The following ANKRD11 variants were observed in gnomAD, a reference collection of about 807,000 sequenced individuals.
ANKRD11 encodes ankyrin repeat domain-containing protein 11.
A neutral mutation model predicts 195.7 loss-of-function variants in ANKRD11; 17 were observed. The observed-to-expected ratio is 0.09, with a 90% CI of 0.06 to 0.13. ANKRD11 has a LOEUF of 0.13. Ranked by LOEUF, ANKRD11 falls within the 10% of genes least tolerant of loss-of-function variation. The pLI is 1.00. For missense variants in ANKRD11, 3,735 were observed against 3,566.1 expected (o/e 1.05, Z -1.21); for synonymous variants, 1,953 against 1,528.1 (o/e 1.28, Z -6.49).
intron 2 of ANKRD11, among the ~76,000 whole-genome samples, chr16:89,415,645 C>G (rs945891591): frequency 1.3e-5 from 2 of 150,960 alleles, no homozygotes; most frequent in Non-Finnish European, 3.0e-5. Flanking sequence ...CTGGCCAACA[C>G]AGTGAAACCC....
rs1369251692 is a variant in ANKRD11 at position 89,456,099 on chromosome 16, G to C, written c.-145+34146C>G. Among the ~76,000 whole-genome samples, 3 of 152,164 alleles carry C rather than the reference G, an allele frequency of 2.0e-5. No homozygotes were observed. The South Asian group carries it at 6.2e-4, about 32-fold the overall frequency. On this transcript the variant is annotated intron_variant, in intron 1 of 12. Coordinates refer to ENST00000301030, the MANE Select transcript of ANKRD11 (RefSeq NM_013275.6). The stretch of plus-strand genomic sequence containing the variant: ...ACTGAAAAATACAAAAAGTAGTCTG[G>C]TGTGGTGGCGTGCACCTGTAGTCCC...
intron 2 of ANKRD11, among the ~76,000 whole-genome samples, chr16:89,401,832 G>A (rs137980075): frequency 4.7e-4 from 72 of 151,940 alleles, no homozygotes; most frequent in African/African-American, 1.5e-3. Flanking sequence ...GTGGTGATGC[G>A]TCTACAAGCC....
intron 1 of ANKRD11, among the ~76,000 whole-genome samples, chr16:89,470,142 G>A (rs1278262700): frequency 6.6e-6 from 1 of 151,902 alleles, no homozygotes; most frequent in Non-Finnish European, 1.5e-5. Flanking sequence ...TCCTGAACTT[G>A]TGATCTGCCT....
chr16:89,417,102 T>C (rs2042341596), intron 2 of ANKRD11, among the ~76,000 whole-genome samples: 1 of 152,226 alleles, frequency 6.6e-6, no homozygotes, highest in Non-Finnish European at 1.5e-5. Context: ...TCAGATTCCC[T>C]TTCCTTCAAA....
intron 4 of ANKRD11, among the ~76,000 whole-genome samples, chr16:89,295,782 C>T (rs1261892941): frequency 5.4e-5 from 7 of 128,656 alleles, no homozygotes; most frequent in East Asian, 2.2e-4. Context: ...GGGATCGGAG[C>T]GGGGGCTGTG....
rs1193473081 is a variant in ANKRD11, at chr16:89,281,370, G to A, written c.5172C>T (p.Thr1724=). The A allele has an allele frequency of 6.2e-7, 1 of 1,609,690 alleles. No homozygotes were observed. The highest frequency in any genetic ancestry group is 1.3e-5 in the African/African-American group (1 of 74,780). ...SYEEVMHTPR[T]PSCSADDYAD... is the part of the protein sequence containing the mutation. ...CGTAGTCATCGGCGCTGCAGGACGG[G>A]GTCCTGGGCGTGTGCATCACCTCCT... Residue 1724 remains threonine, a synonymous_variant, in exon 9 of 13, where the codon ACC becomes ACT. Transcript: ENST00000301030. The surrounding 1 kb of genome is among the most constrained non-coding windows in gnomAD (Gnocchi z 5.5).
intron 2 of ANKRD11, among the ~76,000 whole-genome samples, chr16:89,353,327 G>A (rs1567689014): frequency 6.6e-6 from 1 of 151,610 alleles, no homozygotes; most frequent in Non-Finnish European, 1.5e-5. Flanking sequence ...GGGTGACAGA[G>A]TGAGACTCCA....
chr16:89,467,281 CAG>C (rs2056918169), intron 1 of ANKRD11, among the ~76,000 whole-genome samples: 1 of 145,946 alleles, frequency 6.9e-6, no homozygotes, highest in Admixed American at 6.9e-5. Flanking sequence ...AAAAAAAAAA[CAG>C]AAAGATTAGC....
chr16:89,434,833 C>G (rs994299135), intron 1 of ANKRD11, among the ~76,000 whole-genome samples: 2 of 152,210 alleles, frequency 1.3e-5, no homozygotes, highest in African/African-American at 4.8e-5. Context: ...CACTGGCTGT[C>G]TGGGGCAGCC....
intron 2 of ANKRD11, among the ~76,000 whole-genome samples, chr16:89,376,668 A>G (rs183541762): frequency 1.9e-4 from 29 of 152,178 alleles, no homozygotes; most frequent in Admixed American, 1.7e-3. Flanking sequence ...CAAACTTCTG[A>G]CCTCAAGCGA....
intron 1 of ANKRD11, among the ~76,000 whole-genome samples, chr16:89,478,144 C>A (rs537812768): frequency 1.3e-5 from 2 of 152,136 alleles, no homozygotes; most frequent in Non-Finnish European, 2.9e-5. Flanking sequence ...GAACAGTTCC[C>A]AACGTTGTTG....
At chr16:89,310,152 C>T (rs1322521372) in intron 3 of ANKRD11, among the ~76,000 whole-genome samples, 5 of 152,208 alleles carry the variant, frequency 3.3e-5, no homozygotes, top group South Asian at 2.1e-4. Context: ...AGGTGCCATC[C>T]GGTCCTTCCA....
intron 1 of ANKRD11, among the ~76,000 whole-genome samples, chr16:89,432,135 G>T (rs2043005885): frequency 6.6e-6 from 1 of 151,918 alleles, no homozygotes; most frequent in Non-Finnish European, 1.5e-5. Context: ...AGTGCTAAGG[G>T]GAGAATTTGC....
At chr16:89,286,808 C>T in intron 7 of ANKRD11, 1 of 1,287,258 alleles carries the variant, frequency 7.8e-7, no homozygotes, top group South Asian at 1.2e-5. Context: ...CACCAGCAAC[C>T]TGGATTTCCT....
At chr16:89,430,629 A>G (rs1448561867) in intron 1 of ANKRD11, among the ~76,000 whole-genome samples, 2 of 152,232 alleles carry the variant, frequency 1.3e-5, no homozygotes, top group African/African-American at 4.8e-5. Context: ...GACAAAGGTC[A>G]ACAAACGCCC....
chr16:89,488,019 G>C (rs1339639458), intron 1 of ANKRD11, among the ~76,000 whole-genome samples: 1 of 152,148 alleles, frequency 6.6e-6, no homozygotes, highest in African/African-American at 2.4e-5. Context: ...CGGTGGCAAT[G>C]CAAGTCAGAA....
At chr16:89,334,842 G>A (rs979144333) in intron 2 of ANKRD11, among the ~76,000 whole-genome samples, 3 of 152,148 alleles carry the variant, frequency 2.0e-5, no homozygotes, top group Non-Finnish European at 4.4e-5. Context: ...CGGGGCGCAC[G>A]TGTCCATAGA....
At chr16:89,412,366 T>C (rs2042137328) in intron 2 of ANKRD11, 1 of 149,206 alleles carries the variant, frequency 6.7e-6, no homozygotes, top group Non-Finnish European at 1.5e-5. Flanking sequence ...CCTCCCAGAG[T>C]CTCCTGGCCG....
chr16:89,272,784 T>TC (rs2033278670), intron 11 of ANKRD11: 1 of 152,154 alleles, frequency 6.6e-6, no homozygotes, highest in Admixed American at 6.6e-5. Context: ...GGATAAAGAA[T>TC]ATGTGCTACA....
Sources: allele counts gnomAD v4.1 joint callset (sites outside exome capture counted in the v4.1 genomes callset), GRCh38; gene constraint gnomAD v4.1.1; non-coding constraint Gnocchi (gnomAD v3.1); transcripts MANE v1.5; gene names NCBI Gene and HGNC (gene_info 2026-07-23, HGNC 2026-07-21).